Variants in GPC5 observed in about 807,000 individuals in gnomAD.
The protein encoded by GPC5 is glypican-5.
A neutral mutation model predicts 53.9 loss-of-function variants in GPC5; 47 were observed. That is an observed-to-expected ratio of 0.87 (90% CI 0.69 to 1.11). The LOEUF (loss-of-function observed/expected upper bound fraction) is 1.11, where lower values mean the gene tolerates loss of function less well. Ranked by LOEUF, GPC5 falls within the 50% of genes most tolerant of loss-of-function variation. The probability of loss-of-function intolerance (pLI) is 0.00; values close to 1 mark genes in which losing one functional copy is unlikely to be tolerated. For missense variants in GPC5, 748 were observed against 713.1 expected, an observed-to-expected ratio of 1.05 and a Z score of -0.56; for synonymous variants, 286 against 263.3, an observed-to-expected ratio of 1.09 and a Z score of -0.84.
intron 2 of GPC5, among the ~76,000 whole-genome samples, chr13:91,482,864 GT>G (rs111997854): frequency 0.15 from 20,770 of 142,142 alleles, 1,757 homozygotes; most frequent in African/African-American, 0.25. Flanking sequence ...GAGAATGCAG[GT>G]TTTTTTTTTT....
At chr13:92,435,103 C>T (rs910967965) in intron 7 of GPC5, among the ~76,000 whole-genome samples, 2 of 151,998 alleles carry the variant, frequency 1.3e-5, no homozygotes, top group Non-Finnish European at 2.9e-5. Context: ...TTAGTAGAGA[C>T]GGGGTTTCAC....
chr13:92,235,373 A>G (rs2042562311), intron 7 of GPC5, among the ~76,000 whole-genome samples: 1 of 152,034 alleles, frequency 6.6e-6, no homozygotes. Flanking sequence ...GTCACCCGTA[A>G]TTTTCAATTA....
At chr13:92,093,891 AAAGAAT>A (rs1347043544) in intron 6 of GPC5, among the ~76,000 whole-genome samples, 4 of 152,240 alleles carry the variant, frequency 2.6e-5, no homozygotes, top group Admixed American at 6.5e-5. Flanking sequence ...AATTGGTTAG[AAAGAAT>A]AAGAATGAGT....
At chr13:92,038,324 T>G (rs1309931065) in intron 6 of GPC5, among the ~76,000 whole-genome samples, 1 of 150,990 alleles carries the variant, frequency 6.6e-6, no homozygotes, top group Non-Finnish European at 1.5e-5. Flanking sequence ...TGTATAAGAT[T>G]GGAGTTTATG....
At chr13:92,778,635 C>T (rs991398126) in intron 7 of GPC5, among the ~76,000 whole-genome samples, 6 of 152,074 alleles carry the variant, frequency 3.9e-5, no homozygotes, top group South Asian at 2.1e-4. Context: ...GGAATGGAAT[C>T]GTGTCTATTC....
chr13:91,433,675 CTT>C (rs572189667), intron 1 of GPC5, among the ~76,000 whole-genome samples: 3,249 of 152,170 alleles, frequency 0.021, 62 homozygotes, highest in South Asian at 0.047. Flanking sequence ...GTGCATGTGT[CTT>C]TATAGCAGCA....
chr13:92,231,382 GT>G (rs1221794203), intron 7 of GPC5, among the ~76,000 whole-genome samples: 1 of 152,082 alleles, frequency 6.6e-6, no homozygotes, highest in Non-Finnish European at 1.5e-5. Flanking sequence ...GCCATTCAGT[GT>G]TTTTTGCAGT....
chr13:92,133,186 A>G (rs1406167297), intron 6 of GPC5, among the ~76,000 whole-genome samples: 2 of 152,202 alleles, frequency 1.3e-5, no homozygotes, highest in Non-Finnish European at 2.9e-5. Flanking sequence ...ATATTTAGCA[A>G]AAGAGGCTTT....
chr13:92,161,717 T>C (rs1242245200), intron 7 of GPC5, among the ~76,000 whole-genome samples: 4 of 151,760 alleles, frequency 2.6e-5, no homozygotes, highest in Admixed American at 6.6e-5. Context: ...AATCCGAAAG[T>C]AATTATTAAG....
intron 1 of GPC5, among the ~76,000 whole-genome samples, 175 bp downstream of exon 1, chr13:91,399,384 A>G (rs747022700): frequency 6.6e-6 from 1 of 152,140 alleles, no homozygotes; most frequent in Admixed American, 6.5e-5. Flanking sequence ...AGTGCAGCGC[A>G]GCGCAGCTCT....
chr13:92,022,738 T>G (rs1415224026), intron 6 of GPC5, among the ~76,000 whole-genome samples: 1 of 152,004 alleles, frequency 6.6e-6, no homozygotes, highest in East Asian at 1.9e-4. Context: ...AAAATAACTT[T>G]AATCTGTAAG....
intron 7 of GPC5, among the ~76,000 whole-genome samples, chr13:92,437,121 C>T (rs1227042241): frequency 6.6e-6 from 1 of 152,066 alleles, no homozygotes; most frequent in African/African-American, 2.4e-5. Context: ...CAACATTGCT[C>T]TGACATAGAT....
At chr13:91,964,090 T>C (rs1291684488) in intron 6 of GPC5, among the ~76,000 whole-genome samples, 1 of 151,718 alleles carries the variant, frequency 6.6e-6, no homozygotes, top group Non-Finnish European at 1.5e-5. Context: ...GTGTCCAGAG[T>C]TTTTTCCTTC....
chr13:92,670,047 GT>G (rs1886695017), intron 7 of GPC5, among the ~76,000 whole-genome samples: 1 of 152,038 alleles, frequency 6.6e-6, no homozygotes, highest in African/African-American at 2.4e-5. Context: ...AAATCAATGG[GT>G]TGCTCACTAC....
At chr13:91,731,459 C>CT (rs763472187) in intron 4 of GPC5, among the ~76,000 whole-genome samples, 9 of 151,892 alleles carry the variant, frequency 5.9e-5, no homozygotes, top group Non-Finnish European at 1.2e-4. Context: ...AGAGGAATGT[C>CT]TTTTTTTTAT....
At chr13:91,818,135 T>A (rs1362101604) in intron 5 of GPC5, among the ~76,000 whole-genome samples, 4 of 152,192 alleles carry the variant, frequency 2.6e-5, no homozygotes, top group Non-Finnish European at 5.9e-5. Flanking sequence ...CTACCACATA[T>A]GATATATGAC....
chr13:92,163,875 G>A (rs1260838852), intron 7 of GPC5, among the ~76,000 whole-genome samples: 3 of 152,224 alleles, frequency 2.0e-5, no homozygotes, highest in Non-Finnish European at 4.4e-5. Flanking sequence ...TTGACTCACA[G>A]TTCCACATGG....
chr13:92,192,126 G>GGTGAAGCTATTCTGT (rs1220027274), intron 7 of GPC5, among the ~76,000 whole-genome samples: 3 of 152,074 alleles, frequency 2.0e-5, no homozygotes, highest in Non-Finnish European at 4.4e-5. Context: ...TTTTTAAGGT[G>GGTGAAGCTATTCTGT]GTGAAGCTAT....
intron 7 of GPC5, among the ~76,000 whole-genome samples, chr13:92,304,308 C>T (rs2043096073): frequency 6.6e-6 from 1 of 151,574 alleles, no homozygotes; most frequent in African/African-American, 2.4e-5. Context: ...GGGTTCACAT[C>T]ATTCTCCTGC....
Sources: allele counts gnomAD v4.1 joint callset (sites outside exome capture counted in the v4.1 genomes callset), GRCh38; gene constraint gnomAD v4.1.1; transcripts MANE v1.5; gene names NCBI Gene and HGNC (gene_info 2026-07-23, HGNC 2026-07-21).